The following LGI2 variants were observed in gnomAD, a reference collection of about 807,000 sequenced individuals.
LGI2 encodes the protein leucine-rich repeat LGI family member 2.
Under a neutral mutation model 52.0 loss-of-function variants are expected in LGI2, and 30 were observed. The ratio of observed to expected loss-of-function variants is 0.58; its 90% CI spans 0.43 to 0.78. The LOEUF (loss-of-function observed/expected upper bound fraction) is 0.78, where lower values mean the gene tolerates loss of function less well. Among genes scored for constraint, LGI2 ranks in the 30% least tolerant of loss-of-function variants. The pLI, the probability that LGI2 is intolerant of heterozygous loss-of-function variation, is 0.00. For synonymous variants in LGI2, 270 were observed against 271.8 expected (o/e 0.99, Z 0.06); for missense variants, 573 against 692.5 (o/e 0.83, Z 1.94).
intron 7 of LGI2, among the ~76,000 whole-genome samples, chr4:25,005,725 C>G (rs548627804): frequency 6.6e-6 from 1 of 152,174 alleles, no homozygotes; most frequent in Non-Finnish European, 1.5e-5. Context: ...TCTGAGTGTT[C>G]TTGAAGACAT....
At chr4:24,996,302 T>G (rs1476351445), downstream of LGI2, among the ~76,000 whole-genome samples, 1 of 152,198 alleles carries the variant, frequency 6.6e-6, no homozygotes, top group African/African-American at 2.4e-5. Context: ...TTTGTATCTT[T>G]CTTAAGACTT....
intron 4 of LGI2, among the ~76,000 whole-genome samples, chr4:25,023,392 G>T (rs1726037926): frequency 6.6e-6 from 1 of 152,190 alleles, no homozygotes; most frequent in Admixed American, 6.5e-5. Context: ...AGGAAGAAAT[G>T]AAGACCTAGG....
At chr4:25,021,342 T>G (rs773844652) in intron 4 of LGI2, among the ~76,000 whole-genome samples, 1 of 152,224 alleles carries the variant, frequency 6.6e-6, no homozygotes, top group African/African-American at 2.4e-5. Flanking sequence ...AGATTTTAGT[T>G]ACAGATTGGC....
chr4:25,024,106 G>A (rs1205281293), intron 4 of LGI2, among the ~76,000 whole-genome samples: 3 of 152,132 alleles, frequency 2.0e-5, no homozygotes, highest in Non-Finnish European at 2.9e-5. Context: ...TCTAAGCCTT[G>A]GTTCCAAAAT....
intron 7 of LGI2, among the ~76,000 whole-genome samples, chr4:25,010,279 CAAAAAAGAAAAGAAAAG>C (rs879583595): frequency 2.6e-5 from 4 of 151,766 alleles, no homozygotes; most frequent in Non-Finnish European, 5.9e-5. Context: ...GACTCCATCT[CAAAAAAGAAAAGAAAAG>C]AAAAAAGAAA....
chr4:25,009,111 C>T (rs1004166501), intron 7 of LGI2, among the ~76,000 whole-genome samples: 5 of 152,210 alleles, frequency 3.3e-5, no homozygotes, highest in African/African-American at 1.2e-4. Flanking sequence ...CTGCATCCTC[C>T]TGCCTCTGCA....
intron 6 of LGI2, among the ~76,000 whole-genome samples, chr4:25,014,322 A>G (rs767026511): frequency 2.0e-5 from 3 of 152,226 alleles, no homozygotes; most frequent in Non-Finnish European, 4.4e-5. Flanking sequence ...AGTGCAGAGC[A>G]TTTTACAAAT....
intron 1 of LGI2, among the ~76,000 whole-genome samples, chr4:25,029,478 G>A (rs906462042): frequency 2.6e-5 from 4 of 152,322 alleles, no homozygotes; most frequent in South Asian, 2.1e-4. Context: ...CACAAGCAAC[G>A]TCACCCCGGG....
At chr4:25,023,788 C>T (rs1213915596) in intron 4 of LGI2, among the ~76,000 whole-genome samples, 1 of 152,180 alleles carries the variant, frequency 6.6e-6, no homozygotes, top group African/African-American at 2.4e-5. Flanking sequence ...TGGTTCCTGG[C>T]TAACGAATTA....
intron 6 of LGI2, among the ~76,000 whole-genome samples, chr4:25,017,541 CAAAAAAAA>C (rs66740392): frequency 4.3e-4 from 23 of 53,244 alleles, no homozygotes; most frequent in East Asian, 1.4e-3. Context: ...GACTCTGCCT[CAAAAAAAA>C]AAAAAAAAAA....
chr4:25,030,441 G>T, intron 1 of LGI2, 56 bp downstream of exon 1: 2 of 1,537,320 alleles, frequency 1.3e-6, no homozygotes, highest in Non-Finnish European at 8.8e-7. Flanking sequence ...ACTCCCTCGC[G>T]GCGGCGGACG....
In LGI2 at chr4:25,004,345, T is replaced by TCCCACCA; in HGVS notation, c.821-78_821-77insTGGTGGG. Reference sequence around the variant, plus strand: ...CATCTCCGCTTGTACTCTTATACACTGCTGGTGGGAGTGTGAAATGGCACA... The same window carrying TCCCACCA: ...CATCTCCGCTTGTACTCTTATACACTCCCACCAGCTGGTGGGAGTGTGAAATGGCACA... On this transcript the variant is annotated intron_variant, in intron 7 of 7. Coordinates refer to ENST00000382114, the MANE Select transcript of LGI2 (RefSeq NM_018176.4). The surrounding 1 kb of genome is among the most constrained non-coding windows in gnomAD (Gnocchi z 4.6). The TCCCACCA allele has an allele frequency of 7.8e-7, 1 of 1,278,704 alleles. No homozygotes were observed. The highest frequency in any genetic ancestry group is 1.1e-6 in the Non-Finnish European group (1 of 926,510). The allele number at this position is 1,278,704 out of a possible 1,614,324, so 79.2% of individuals were successfully genotyped here.
intron 1 of LGI2, among the ~76,000 whole-genome samples, chr4:25,030,091 AACAC>A (rs35093206): frequency 6.6e-6 from 1 of 150,900 alleles, no homozygotes; most frequent in Non-Finnish European, 1.5e-5. Flanking sequence ...CCAACCCGCA[AACAC>A]ACACACACAC....
At chr4:24,998,000 C>T (rs932469372), downstream of LGI2, among the ~76,000 whole-genome samples, 6 of 151,940 alleles carry the variant, frequency 3.9e-5, no homozygotes, top group South Asian at 2.1e-4. Flanking sequence ...GCCTCAGCCT[C>T]CTGAGTAGCT....
At chr4:25,007,361 A>C (rs1425238993) in intron 7 of LGI2, among the ~76,000 whole-genome samples, 2 of 152,166 alleles carry the variant, frequency 1.3e-5, no homozygotes, top group Non-Finnish European at 2.9e-5. Flanking sequence ...GCTCTTCAAA[A>C]GCGGCATTGA....
chr4:25,000,790 T>G lies in LGI2; in HGVS notation c.*2661A>C, dbSNP rs1725218474. The stretch of plus-strand genomic sequence containing the variant: ...GGGACGGTCCACATATTTCTCTGCT[T>G]TGCATTTTTGCTGTTGCTTGGTTGG... On this transcript the variant is annotated 3_prime_UTR_variant, in exon 8 of 8. Transcript: ENST00000382114. 1 of 152,282 alleles carries G rather than the reference T, an allele frequency of 6.6e-6. No homozygotes were observed. The highest frequency in any genetic ancestry group is 1.9e-4 in the East Asian group (1 of 5,198). 9.4% of individuals were successfully genotyped at this position (152,282 alleles called of 1,614,324 possible).
At chr4:25,022,806 G>T (rs1425074328) in intron 4 of LGI2, among the ~76,000 whole-genome samples, 1 of 152,206 alleles carries the variant, frequency 6.6e-6, no homozygotes, top group East Asian at 1.9e-4. Flanking sequence ...CTGAGCAAAT[G>T]AAAGTTGCCA....
chr4:24,994,326 G>A (rs777836745), downstream of LGI2, among the ~76,000 whole-genome samples: 2 of 152,172 alleles, frequency 1.3e-5, no homozygotes, highest in Non-Finnish European at 2.9e-5. Context: ...CAGGGAGCCC[G>A]AGCTCCCCAG....
At chr4:25,005,036 A>G (rs1033347977) in intron 7 of LGI2, among the ~76,000 whole-genome samples, 6 of 152,212 alleles carry the variant, frequency 3.9e-5, no homozygotes, top group Admixed American at 3.9e-4. Context: ...ATAGCCAGTC[A>G]CAAAAAGACG....
Sources: allele counts gnomAD v4.1 joint callset (sites outside exome capture counted in the v4.1 genomes callset), GRCh38; gene constraint gnomAD v4.1.1; non-coding constraint Gnocchi (gnomAD v3.1); transcripts MANE v1.5; gene names NCBI Gene and HGNC (gene_info 2026-07-23, HGNC 2026-07-21).